Variants in DNMT1 observed in about 807,000 individuals in gnomAD.
DNMT1 encodes the protein DNA methyltransferase 1, also known as DNA (cytosine-5)-methyltransferase 1.
A neutral mutation model predicts 205.3 loss-of-function variants in DNMT1; 24 were observed. That is an observed-to-expected ratio of 0.12 (90% CI 0.08 to 0.16). The LOEUF (loss-of-function observed/expected upper bound fraction) is 0.16, where lower values mean the gene tolerates loss of function less well. Ranked by LOEUF, DNMT1 falls within the 10% of genes least tolerant of loss-of-function variation. The probability of loss-of-function intolerance (pLI) is 1.00; values close to 1 mark genes in which losing one functional copy is unlikely to be tolerated. For synonymous variants in DNMT1, 817 were observed against 839.8 expected (o/e 0.97, Z 0.47); for missense variants, 1,293 against 2,177.7 (o/e 0.59, Z 8.09).
chr19:10,180,759 A>G lies in DNMT1; in HGVS notation c.225+19T>C. On this transcript the variant is annotated intron_variant, in intron 3 of 40. Transcript: ENST00000359526. Reference sequence around the variant, plus strand: ...AGGAGACATTTTTCTAGAGGCTAGGATGCTGAGAACTGACTTACCTCGGAT... The same window carrying G: ...AGGAGACATTTTTCTAGAGGCTAGGGTGCTGAGAACTGACTTACCTCGGAT... 1 of 1,611,232 alleles carries G rather than the reference A, an allele frequency of 6.2e-7. No homozygotes were observed. The highest frequency in any genetic ancestry group is 8.5e-7 in the Non-Finnish European group (1 of 1,177,558).
At chr19:10,180,728 A>C in intron 3 of DNMT1, 50 bp downstream of exon 3, 1 of 1,573,858 alleles carries the variant, frequency 6.4e-7, no homozygotes, top group Non-Finnish European at 8.7e-7. Context: ...CAGACAAGTT[A>C]CTAGGAGGAG....
intron 29 of DNMT1, 28 bp downstream of exon 29, chr19:10,143,738 T>C (rs778999593): frequency 2.2e-5 from 35 of 1,613,086 alleles, no homozygotes; most frequent in Non-Finnish European, 2.8e-5. Flanking sequence ...GTCTGTGGCC[T>C]CGTGGAAGAA....
chr19:10,160,245 T>C (rs568577833), intron 14 of DNMT1, 139 bp downstream of exon 14: 1 of 1,517,000 alleles, frequency 6.6e-7, no homozygotes, highest in Admixed American at 1.8e-5. Flanking sequence ...CTGACGCACC[T>C]TGGTCCTATG....
chr19:10,136,485 G>A (rs1265710781), intron 37 of DNMT1, among the ~76,000 whole-genome samples, 198 bp from the exon 38 acceptor site: 1 of 152,172 alleles, frequency 6.6e-6, no homozygotes, highest in Non-Finnish European at 1.5e-5. Context: ...GCCCAGGCTG[G>A]AGTGCAATGG....
At chr19:10,163,301 A>G (rs778997157) in intron 12 of DNMT1, 25 bp downstream of exon 12, 8 of 1,613,426 alleles carry the variant, frequency 5.0e-6, no homozygotes, top group Non-Finnish European at 6.8e-6. Flanking sequence ...GATGACACAA[A>G]AGCACAAGCA....
At chr19:10,149,255 G>A (rs2038279461) in intron 26 of DNMT1, among the ~76,000 whole-genome samples, 198 bp downstream of exon 26, 1 of 151,708 alleles carries the variant, frequency 6.6e-6, no homozygotes, top group African/African-American at 2.4e-5. Flanking sequence ...AACCCAGGAG[G>A]TGGAGGTTGC....
Position 10,159,984 on chromosome 19 carries a change from G to A in DNMT1, c.1089+34C>T, listed in dbSNP as rs747751759. 3.1e-5 allele frequency: 50 copies of A among 1,614,202 alleles called. 1 individual carries two copies. In the South Asian group the frequency reaches 4.0e-4, roughly 13 times the overall value. On this transcript the variant is annotated intron_variant, in intron 15 of 40. Transcript: ENST00000359526. This position sits in a 1 kb window ranked among gnomAD's most constrained non-coding sequence, Gnocchi z 5.0. Reference sequence around the variant, plus strand: ...AGCAGCTCCCAGCCGCCTCGTGAGCGCCGCCACCGGCTTTATTCCCGGCAG... The same window carrying A: ...AGCAGCTCCCAGCCGCCTCGTGAGCACCGCCACCGGCTTTATTCCCGGCAG...
In DNMT1 at chr19:10,190,110, T is replaced by G. The variant is rs568269946; in HGVS notation, c.80+4710A>C. ...TAAGTCAATTTTGCCTTATTCAGTATGTACTCAGTAGTAGCCAAGGAACTG... is the reference window on the plus strand; with the variant it reads ...TAAGTCAATTTTGCCTTATTCAGTAGGTACTCAGTAGTAGCCAAGGAACTG... On this transcript the variant is annotated intron_variant, in intron 1 of 40. Coordinates refer to ENST00000359526, the MANE Select transcript of DNMT1 (RefSeq NM_001130823.3). Among the ~76,000 whole-genome samples the G allele has an allele frequency of 4.1e-4, 62 of 152,312 alleles. 1 individual carries two copies. The South Asian group carries it at 0.011, about 26-fold the overall frequency.
In DNMT1 at chr19:10,194,945, G is replaced by C. The variant is rs943719269; in HGVS notation, c.-46C>G. 4.5e-6 allele frequency: 7 copies of C among 1,569,844 alleles called. No homozygotes were observed. The African/African-American group carries it at 8.2e-5, about 18-fold the overall frequency. ...CGGCGGCGGCAGCGCAGGCGCCCCGGCTTTTCGCGCGGAAACCGATGGGGA... is the reference window on the plus strand; with the variant it reads ...CGGCGGCGGCAGCGCAGGCGCCCCGCCTTTTCGCGCGGAAACCGATGGGGA... On this transcript the variant is annotated 5_prime_UTR_variant, in exon 1 of 41. Coordinates refer to ENST00000359526, the MANE Select transcript of DNMT1 (RefSeq NM_001130823.3).
chr19:10,156,563 C>T lies in DNMT1; in HGVS notation c.1281-54G>A, dbSNP rs1341501802. On this transcript the variant is annotated intron_variant, in intron 17 of 40. Coordinates refer to ENST00000359526, the MANE Select transcript of DNMT1 (RefSeq NM_001130823.3). This position sits in a 1 kb window ranked among gnomAD's most constrained non-coding sequence, Gnocchi z 4.2. ...CAGCTAAGCCGTGAAGGCGGGTCTTCGTGCAGACTTCAGATCAGGCACGAG... is the reference window on the plus strand; with the variant it reads ...CAGCTAAGCCGTGAAGGCGGGTCTTTGTGCAGACTTCAGATCAGGCACGAG... 15 of 1,338,666 alleles carry T rather than the reference C, an allele frequency of 1.1e-5. No homozygotes were observed. The highest frequency in any genetic ancestry group is 2.3e-5 in the South Asian group (2 of 85,554). The allele number at this position is 1,338,666 out of a possible 1,614,324, so 82.9% of individuals were successfully genotyped here. A position where few individuals can be genotyped will look rare whatever the true frequency, so the allele number is the denominator to read the frequency against.
chr19:10,183,485 C>T (rs2039120496), intron 1 of DNMT1, among the ~76,000 whole-genome samples: 2 of 152,104 alleles, frequency 1.3e-5, no homozygotes, highest in Non-Finnish European at 2.9e-5. Context: ...TTTGGGAGGC[C>T]AAGGCGAGCG....
chr19:10,148,116 C>CAAAAAAAAAAAAAAAAAAAAAATAA (rs2038240657), intron 27 of DNMT1, among the ~76,000 whole-genome samples: 5 of 59,288 alleles, frequency 8.4e-5, no homozygotes, highest in African/African-American at 7.3e-5. Flanking sequence ...AACTCTGTCT[C>CAAAAAAAAAAAAAAAAAAAAAATAA]AAAAAAAAAA....
At chr19:10,182,560 TACAC>T (rs200065669) in intron 1 of DNMT1, among the ~76,000 whole-genome samples, 7 of 148,750 alleles carry the variant, frequency 4.7e-5, no homozygotes, top group East Asian at 1.9e-4. Flanking sequence ...TATATATATA[TACAC>T]ACACACACAG....
chr19:10,140,570 A>G lies in DNMT1; in HGVS notation c.3523+211T>C, dbSNP rs2089582237. 7 of 947,834 alleles carry G rather than the reference A, an allele frequency of 7.4e-6. No homozygotes were observed. Among genetic ancestry groups the G allele is most frequent in the Non-Finnish European group, 1.1e-5 (7 of 632,886 alleles). 58.7% of individuals were successfully genotyped at this position (947,834 alleles called of 1,614,324 possible). ...TTCTTATTAGAGACGGGGTTTCACC[A>G]TGTTGGCCAGGATGGTCTCAAACTC... On this transcript the variant is annotated intron_variant, in intron 32 of 40. Transcript: ENST00000359526. This position sits in a 1 kb window ranked among gnomAD's most constrained non-coding sequence, Gnocchi z 8.4.
In DNMT1 at chr19:10,156,702, C is replaced by T. The variant is rs1460339940; in HGVS notation, c.1281-193G>A. ...GCATAATCTTGGCTCACTGCAGCCTCCACCTCCCGGGTTCAAGTAATTCTC... is the reference window on the plus strand; with the variant it reads ...GCATAATCTTGGCTCACTGCAGCCTTCACCTCCCGGGTTCAAGTAATTCTC... On this transcript the variant is annotated intron_variant, in intron 17 of 40. Coordinates refer to ENST00000359526, the MANE Select transcript of DNMT1 (RefSeq NM_001130823.3). The surrounding 1 kb of genome is among the most constrained non-coding windows in gnomAD (Gnocchi z 4.2). 6.6e-6 allele frequency among the ~76,000 whole-genome samples: 1 copy of T among 152,180 alleles called. No individual in the cohort carries two copies. The highest frequency in any genetic ancestry group is 6.6e-5 in the Admixed American group (1 of 15,260).
intron 9 of DNMT1, among the ~76,000 whole-genome samples, chr19:10,171,804 CAAATAAATAAATAAATAAATAAAT>C (rs201700970): frequency 9.3e-5 from 13 of 139,922 alleles, no homozygotes; most frequent in Admixed American, 6.6e-4. Flanking sequence ...GACTCCGTCT[CAAATAAATAAATAAATAAATAAAT>C]AAATAAATAA....
chr19:10,170,757 C>T (rs1002766280), intron 9 of DNMT1, among the ~76,000 whole-genome samples: 3 of 152,118 alleles, frequency 2.0e-5, no homozygotes, highest in South Asian at 4.1e-4. Flanking sequence ...TAAGAAACTT[C>T]TAGTCATCTT....
chr19:10,138,727 G>T lies in DNMT1; in HGVS notation c.3949-122C>A. 1 of 1,293,724 alleles carries T rather than the reference G, an allele frequency of 7.7e-7. No individual in the cohort carries two copies. Among genetic ancestry groups the T allele is most frequent in the Non-Finnish European group, 1.1e-6 (1 of 948,400 alleles). 80.1% of individuals were successfully genotyped at this position (1,293,724 alleles called of 1,614,324 possible). On this transcript the variant is annotated intron_variant, in intron 34 of 40. Coordinates refer to ENST00000359526, the MANE Select transcript of DNMT1 (RefSeq NM_001130823.3). The surrounding 1 kb of genome is among the most constrained non-coding windows in gnomAD (Gnocchi z 4.1). ...TGGCTGGCCAATGCGGAGTGCACTT[G>T]CAGAAATCCCCAGTTACCTCAGCAG...
chr19:10,181,932 C>T, intron 2 of DNMT1, 109 bp downstream of exon 2: 3 of 950,466 alleles, frequency 3.2e-6, no homozygotes, highest in Non-Finnish European at 4.9e-6. Context: ...CTTTGAAACT[C>T]CATGGGAAAA....
Sources: allele counts gnomAD v4.1 joint callset (sites outside exome capture counted in the v4.1 genomes callset), GRCh38; gene constraint gnomAD v4.1.1; non-coding constraint Gnocchi (gnomAD v3.1); transcripts MANE v1.5; gene names NCBI Gene and HGNC (gene_info 2026-07-23, HGNC 2026-07-21).